NRXN3: variants seen among roughly 807,000 people sequenced by gnomAD.
NRXN3 encodes the protein neurexin III.
In NRXN3, 32 loss-of-function variants were observed where a neutral mutation model predicts 137.6. The observed-to-expected ratio is 0.23, with a 90% CI of 0.18 to 0.31. NRXN3 has a LOEUF of 0.31. Among genes scored for constraint, NRXN3 ranks in the 10% least tolerant of loss-of-function variants. NRXN3 has a pLI of 1.00. For missense variants in NRXN3, 1,574 were observed against 2,062.5 expected (o/e 0.76, Z 4.59); for synonymous variants, 798 against 784.5 (o/e 1.02, Z -0.29).
chr14:79,622,790 G>T (rs1486155479), intron 16 of NRXN3, among the ~76,000 whole-genome samples: 2 of 152,000 alleles, frequency 1.3e-5, no homozygotes, highest in Admixed American at 6.6e-5. Flanking sequence ...TAGAGATGGG[G>T]TTTCACCGTG....
At chr14:79,520,947 A>G (rs1181431110) in intron 16 of NRXN3, among the ~76,000 whole-genome samples, 1 of 152,178 alleles carries the variant, frequency 6.6e-6, no homozygotes, top group African/African-American at 2.4e-5. Context: ...AAATTATTCT[A>G]CTATAAAGAC....
At chr14:78,986,866 C>A (rs1567906225) in intron 14 of NRXN3, among the ~76,000 whole-genome samples, 1 of 151,070 alleles carries the variant, frequency 6.6e-6, no homozygotes, top group African/African-American at 2.4e-5. Flanking sequence ...ACTAAAAATA[C>A]AAAAAAATTA....
intron 10 of NRXN3, among the ~76,000 whole-genome samples, chr14:78,900,958 A>G (rs2099194068): frequency 6.6e-6 from 1 of 152,088 alleles, no homozygotes; most frequent in South Asian, 2.1e-4. Context: ...CTCGCCCAAC[A>G]TCACTAGGGC....
intron 15 of NRXN3, among the ~76,000 whole-genome samples, chr14:79,277,421 T>A (rs985555808): frequency 1.3e-5 from 2 of 152,156 alleles, no homozygotes; most frequent in African/African-American, 4.8e-5. Flanking sequence ...TGAGTGGAAA[T>A]TATCATGGAT....
intron 16 of NRXN3, among the ~76,000 whole-genome samples, chr14:79,573,455 G>GA (rs36096395): frequency 6.6e-6 from 1 of 151,996 alleles, no homozygotes; most frequent in African/African-American, 2.4e-5. Context: ...TCAGTTCTTT[G>GA]AAAAAATTGG....
At chr14:79,023,237 G>A (rs940433655) in intron 15 of NRXN3, among the ~76,000 whole-genome samples, 1 of 151,654 alleles carries the variant, frequency 6.6e-6, no homozygotes, top group Non-Finnish European at 1.5e-5. Flanking sequence ...TGGGGGTTTG[G>A]TGTACTTCTT....
rs373962836 is a variant in NRXN3 at position 79,782,413 on chromosome 14, T to C, written c.4015-22699T>C. ...CCTTGGATGAGTCATGGTAAGACTC[T>C]GTGTCATATATAAAGAGTATTCTGA... is the stretch of plus-strand genomic sequence containing the variant. On this transcript the variant is annotated intron_variant, in intron 19 of 20. Coordinates refer to ENST00000335750, the MANE Select transcript of NRXN3 (RefSeq NM_001330195.2). Among the ~76,000 whole-genome samples, 4 of 152,310 alleles carry C rather than the reference T, an allele frequency of 2.6e-5. No individual in the cohort carries two copies. The East Asian group carries it at 5.8e-4, about 22-fold the overall frequency.
At chr14:79,769,797 T>C (rs1352471948) in intron 19 of NRXN3, among the ~76,000 whole-genome samples, 3 of 151,886 alleles carry the variant, frequency 2.0e-5, no homozygotes, top group East Asian at 1.9e-4. Context: ...TGTAAATGGA[T>C]TAAATTCTCC....
chr14:78,887,131 AC>A (rs983164536), intron 10 of NRXN3, among the ~76,000 whole-genome samples: 4 of 152,152 alleles, frequency 2.6e-5, no homozygotes, highest in African/African-American at 9.7e-5. Flanking sequence ...TGTGTGCTCG[AC>A]ACTGTACCAA....
intron 15 of NRXN3, among the ~76,000 whole-genome samples, chr14:79,204,336 A>C (rs922847171): frequency 6.6e-6 from 1 of 150,488 alleles, no homozygotes; most frequent in Admixed American, 6.7e-5. Flanking sequence ...TTTCTCCCTC[A>C]CCCTCCCTCT....
intron 20 of NRXN3, among the ~76,000 whole-genome samples, chr14:79,839,294 C>T (rs1568416138): frequency 6.6e-6 from 1 of 151,986 alleles, no homozygotes; most frequent in African/African-American, 2.4e-5. Context: ...AAAACAATGG[C>T]CTCCCCTAAA....
At chr14:79,429,475 A>G (rs2095710622) in intron 15 of NRXN3, among the ~76,000 whole-genome samples, 1 of 152,248 alleles carries the variant, frequency 6.6e-6, no homozygotes, top group Non-Finnish European at 1.5e-5. Flanking sequence ...GTGAGTAACA[A>G]GAGTTTCTCG....
At chr14:79,496,069 G>A (rs1053319607) in intron 16 of NRXN3, among the ~76,000 whole-genome samples, 8 of 152,144 alleles carry the variant, frequency 5.3e-5, no homozygotes, top group Admixed American at 4.6e-4. Flanking sequence ...GGTTTAAGAA[G>A]GGAAGGAAAT....
At chr14:78,866,324 A>G (rs2099086643) in intron 10 of NRXN3, among the ~76,000 whole-genome samples, 1 of 152,190 alleles carries the variant, frequency 6.6e-6, no homozygotes, top group African/African-American at 2.4e-5. Flanking sequence ...TAGAATAGTG[A>G]TGGCTATAAT....
chr14:79,484,980 A>C (rs1016991000), intron 16 of NRXN3, among the ~76,000 whole-genome samples: 1 of 152,144 alleles, frequency 6.6e-6, no homozygotes, highest in Non-Finnish European at 1.5e-5. Context: ...TTATTGATGA[A>C]TATTTTATTT....
chr14:79,515,184 C>T lies in NRXN3; in HGVS notation c.3444+47782C>T, dbSNP rs75944569. Among the ~76,000 whole-genome samples the T allele has an allele frequency of 6.1e-3, 920 of 150,498 alleles. 96 individuals carry two copies. Among genetic ancestry groups the T allele is most frequent in the African/African-American group, 0.022 (895 of 39,904 alleles). ...CATGCAGGATGTTTATTAAGGTGTG[C>T]CTTTGAGATCAATACCTGTGAAAAG... On this transcript the variant is annotated intron_variant, in intron 16 of 20. Transcript: ENST00000335750.
chr14:78,304,556 C>G (rs927789913), intron 4 of NRXN3, among the ~76,000 whole-genome samples: 6 of 152,084 alleles, frequency 3.9e-5, no homozygotes, highest in Non-Finnish European at 7.4e-5. Flanking sequence ...TTTCGAAAGC[C>G]CCTGTTTAAG....
At chr14:78,289,157 G>A (rs937203723) in intron 3 of NRXN3, among the ~76,000 whole-genome samples, 1 of 152,184 alleles carries the variant, frequency 6.6e-6, no homozygotes, top group Non-Finnish European at 1.5e-5. Flanking sequence ...CATTCTCAGT[G>A]CTGTGTAAAG....
intron 4 of NRXN3, among the ~76,000 whole-genome samples, chr14:78,313,235 C>G (rs1053545315): frequency 6.6e-6 from 1 of 152,196 alleles, no homozygotes. Flanking sequence ...TATGCCCTTT[C>G]TGGCCAACCT....
Sources: allele counts gnomAD v4.1 joint callset (sites outside exome capture counted in the v4.1 genomes callset), GRCh38; gene constraint gnomAD v4.1.1; transcripts MANE v1.5; gene names NCBI Gene and HGNC (gene_info 2026-07-23, HGNC 2026-07-21).